Variants in MRPL22 observed in about 807,000 individuals in gnomAD.
MRPL22 encodes large ribosomal subunit protein uL22m.
A neutral mutation model predicts 32.4 loss-of-function variants in MRPL22; 27 were observed. The ratio of observed to expected loss-of-function variants is 0.83; its 90% confidence interval spans 0.61 to 1.15. The LOEUF (loss-of-function observed/expected upper bound fraction) is 1.15. Ranked by LOEUF, MRPL22 falls within the 50% of genes most tolerant of loss-of-function variation. The pLI is 0.00. For synonymous variants in MRPL22, 86 were observed against 87.3 expected, an observed-to-expected ratio of 0.99 and a Z score of 0.08; for missense variants, 239 against 260.2, an observed-to-expected ratio of 0.92 and a Z score of 0.56.
At chr5:154,941,666 T>A (rs1335340187) in intron 2 of MRPL22, among the ~76,000 whole-genome samples, 1 of 152,224 alleles carries the variant, frequency 6.6e-6, no homozygotes, top group Non-Finnish European at 1.5e-5. Context: ...GTTTATATGC[T>A]TTAACTCACT....
At chr5:154,953,873 A>C (rs1017523357) in intron 3 of MRPL22, among the ~76,000 whole-genome samples, 2 of 149,920 alleles carry the variant, frequency 1.3e-5, no homozygotes, top group Non-Finnish European at 1.5e-5. Context: ...TTTAGTAGAG[A>C]TGGGGTTTCT....
Position 154,956,365 on chromosome 5 carries a change from T to G in MRPL22, c.196-6T>G. The G allele has an allele frequency of 6.3e-7, 1 of 1,598,730 alleles. No individual in the cohort carries two copies. Among genetic ancestry groups the G allele is most frequent in the Non-Finnish European group, 8.6e-7 (1 of 1,168,172 alleles). On this transcript the variant is annotated splice_region_variant and splice_polypyrimidine_tract_variant and intron_variant, in intron 3 of 6. Coordinates refer to ENST00000523037, the MANE Select transcript of MRPL22 (RefSeq NM_014180.4). ...TCTTTCTGTCCTTTTTTTTCCAATT[T>G]GTAAGGAAATCTACCACTGTCGAAG... is the stretch of plus-strand genomic sequence containing the variant.
At position 154,941,260 on chromosome 5, in the gene MRPL22, C is replaced by G; in HGVS notation, c.72C>G (p.Ala24=). The change falls in exon 2 of 7, where the codon GCC becomes GCG. Residue 24 remains alanine, a synonymous_variant. Transcript: ENST00000523037. ...ACCTGAGGAGCCGGGGGAAGCTGGC[C>G]TTGGGGTGAGTCTCTCGCTTCGGAG... ...IHNLRSRGKL[A]LGVLPQSYIH... is the part of the protein sequence containing the mutation. The G allele has an allele frequency of 1.9e-6, 3 of 1,613,072 alleles. No individual in the cohort carries two copies. The highest frequency in any genetic ancestry group is 1.7e-5 in the Admixed American group (1 of 60,008).
rs759537597 is a variant in MRPL22 at position 154,941,144 on chromosome 5, G to A, written c.28+6G>A. The A allele has an allele frequency of 1.9e-6, 3 of 1,614,140 alleles. No homozygotes were observed. In the East Asian group the frequency reaches 6.7e-5, roughly 36 times the overall value. On this transcript the variant is annotated splice_donor_region_variant and intron_variant, in intron 1 of 6. Transcript: ENST00000523037. ...GGCAGTACTGGGACAGTTGGGTAAGGATTTCTTAGTGGTTAAGCGACAGAA... is the reference window on the plus strand; with the variant it reads ...GGCAGTACTGGGACAGTTGGGTAAGAATTTCTTAGTGGTTAAGCGACAGAA...
chr5:154,962,643 T>G (rs1328229401), intron 6 of MRPL22, among the ~76,000 whole-genome samples: 1 of 152,228 alleles, frequency 6.6e-6, no homozygotes, highest in Admixed American at 6.5e-5. Flanking sequence ...TACCTGGTGT[T>G]GCATGACCAC....
intron 2 of MRPL22, among the ~76,000 whole-genome samples, chr5:154,946,530 A>C (rs1764493128): frequency 6.6e-6 from 1 of 152,172 alleles, no homozygotes; most frequent in South Asian, 2.1e-4. Context: ...TTAAAAAAAG[A>C]AACACGGGTG....
chr5:154,960,076 A>G, intron 6 of MRPL22, 27 bp downstream of exon 6: 1 of 1,494,130 alleles, frequency 6.7e-7, no homozygotes, highest in Non-Finnish European at 9.3e-7. Flanking sequence ...TCTTAGCATT[A>G]GAAAATGTCT....
At chr5:154,958,506 A>G (rs1182586257) in intron 5 of MRPL22, among the ~76,000 whole-genome samples, 5 of 148,000 alleles carry the variant, frequency 3.4e-5, no homozygotes, top group African/African-American at 1.2e-4. Flanking sequence ...TAAGGCGTGA[A>G]AGATTTGGTT....
At chr5:154,958,538 CTTTTTT>C (rs201113350) in intron 5 of MRPL22, among the ~76,000 whole-genome samples, 2 of 83,316 alleles carry the variant, frequency 2.4e-5, no homozygotes, top group Admixed American at 1.7e-4. Flanking sequence ...TGACAATTGT[CTTTTTT>C]TTTTTTTTTT....
chr5:154,954,093 G>A (rs1481291959), intron 3 of MRPL22, among the ~76,000 whole-genome samples: 4 of 150,874 alleles, frequency 2.7e-5, no homozygotes, highest in Non-Finnish European at 5.9e-5. Flanking sequence ...GGGCTTAAGA[G>A]ATCTTCCCAC....
chr5:154,969,114 T>C lies in MRPL22; in HGVS notation c.*2217T>C, dbSNP rs1190964790. On this transcript the variant is annotated 3_prime_UTR_variant, in exon 7 of 7. Transcript: ENST00000523037. ...TTTGGCTCTGTGTTCCCACCCAATCTTATCTCAAATTGTAATCCCCATGTG... is the reference window on the plus strand; with the variant it reads ...TTTGGCTCTGTGTTCCCACCCAATCCTATCTCAAATTGTAATCCCCATGTG... The C allele has an allele frequency of 6.6e-6, 1 of 152,218 alleles. No homozygotes were observed. The allele number at this position is 152,218 out of a possible 1,614,324, so 9.4% of individuals were successfully genotyped here.
In MRPL22 at chr5:154,954,989, G is replaced by A. The variant is rs1197384926; in HGVS notation, c.196-1382G>A. On this transcript the variant is annotated intron_variant, in intron 3 of 6. Transcript: ENST00000523037. ...TTTTTTTGTATTTTTAGTAGAGACG[G>A]GGTTTCACCATTCACAGGATGGTCT... 3.9e-5 allele frequency among the ~76,000 whole-genome samples: 6 copies of A among 151,958 alleles called. No homozygotes were observed. The East Asian group carries it at 9.7e-4, about 25-fold the overall frequency.
At chr5:154,954,631 G>A (rs1222445302) in intron 3 of MRPL22, among the ~76,000 whole-genome samples, 1 of 152,064 alleles carries the variant, frequency 6.6e-6, no homozygotes, top group Non-Finnish European at 1.5e-5. Flanking sequence ...TTTGGAAGAG[G>A]ATGATTAACT....
At chr5:154,942,325 C>G (rs1026046519) in intron 2 of MRPL22, among the ~76,000 whole-genome samples, 1 of 152,174 alleles carries the variant, frequency 6.6e-6, no homozygotes, top group Non-Finnish European at 1.5e-5. Context: ...GATAATCCCA[C>G]TCTGAATTCT....
chr5:154,959,523 T>A (rs559734978), intron 5 of MRPL22, among the ~76,000 whole-genome samples: 17 of 151,996 alleles, frequency 1.1e-4, no homozygotes, highest in African/African-American at 4.1e-4. Context: ...TTTGTGTTTT[T>A]AGTAGAGGCG....
In MRPL22 at chr5:154,967,012, T is replaced by C. The variant is rs1764779413; in HGVS notation, c.*115T>C. The C allele has an allele frequency of 1.9e-6, 2 of 1,071,966 alleles. No homozygotes were observed. Among genetic ancestry groups the C allele is most frequent in the African/African-American group, 1.6e-5 (1 of 62,500 alleles). The allele number at this position is 1,071,966 out of a possible 1,614,324, so 66.4% of individuals were successfully genotyped here. A position where few individuals can be genotyped will look rare whatever the true frequency, so the allele number is the denominator to read the frequency against. ...CTCATTGAATTATTGAAACAGTGTA[T>C]AACTGCTAGTTGTAAATGAATATTT... On this transcript the variant is annotated 3_prime_UTR_variant, in exon 7 of 7. Coordinates refer to ENST00000523037, the MANE Select transcript of MRPL22 (RefSeq NM_014180.4). This position sits in a 1 kb window ranked among gnomAD's most constrained non-coding sequence, Gnocchi z 4.7.
Position 154,964,716 on chromosome 5 carries a change from A to G in MRPL22, c.410-1970A>G, listed in dbSNP as rs1456808875. Among the ~76,000 whole-genome samples the G allele has an allele frequency of 6.6e-5, 10 of 152,236 alleles. No individual in the cohort carries two copies. The South Asian group carries it at 2.1e-3, about 32-fold the overall frequency. ...GCATTGAGCTTCTGCTTTTGTGCAG[A>G]TCTCTGTAAGTTTGTGTTTTGGGGG... On this transcript the variant is annotated intron_variant, in intron 6 of 6. Coordinates refer to ENST00000523037, the MANE Select transcript of MRPL22 (RefSeq NM_014180.4).
chr5:154,950,721 T>G (rs765434622), intron 2 of MRPL22, 100 bp from the exon 3 acceptor site: 1 of 792,678 alleles, frequency 1.3e-6, no homozygotes, highest in Non-Finnish European at 2.2e-6. Context: ...CCTTAAATTG[T>G]TTTCATCAAA....
At chr5:154,953,894 C>T (rs754197741) in intron 3 of MRPL22, among the ~76,000 whole-genome samples, 3 of 151,400 alleles carry the variant, frequency 2.0e-5, no homozygotes, top group African/African-American at 7.3e-5. Context: ...CTGTGTGGTC[C>T]GGGCTGGTCT....
Sources: allele counts gnomAD v4.1 joint callset (sites outside exome capture counted in the v4.1 genomes callset), GRCh38; gene constraint gnomAD v4.1.1; non-coding constraint Gnocchi (gnomAD v3.1); transcripts MANE v1.5; gene names NCBI Gene and HGNC (gene_info 2026-07-23, HGNC 2026-07-21).